The following ATL2 variants were observed in gnomAD, a reference collection of about 807,000 sequenced individuals.
ATL2 encodes atlastin GTPase 2.
ATL2 carries 31 observed loss-of-function variants against 73.9 expected under a neutral mutation model. That is an observed-to-expected ratio of 0.42 (90% CI 0.32 to 0.57). The LOEUF (loss-of-function observed/expected upper bound fraction) is 0.57, where lower values mean the gene tolerates loss of function less well. Among genes scored for constraint, ATL2 ranks in the 20% least tolerant of loss-of-function variants. The pLI is 0.14. For missense variants in ATL2, 738 were observed against 702.6 expected (o/e 1.05, Z -0.57); for synonymous variants, 291 against 237.5 (o/e 1.23, Z -2.07).
At chr2:38,309,621 G>T in intron 8 of ATL2, 115 bp from the exon 9 acceptor site, 1 of 1,041,504 alleles carries the variant, frequency 9.6e-7, no homozygotes, top group Non-Finnish European at 1.4e-6. Context: ...TATTACTGAA[G>T]TGGATTCATT....
chr2:38,376,164 C>G, intron 1 of ATL2: 11 of 1,530,306 alleles, frequency 7.2e-6, no homozygotes, highest in Non-Finnish European at 9.7e-6. Context: ...AACTTTATGC[C>G]TTTCTTAAGT....
At chr2:38,339,043 C>T (rs558583312) in intron 2 of ATL2, among the ~76,000 whole-genome samples, 1 of 152,144 alleles carries the variant, frequency 6.6e-6, no homozygotes, top group Admixed American at 6.5e-5. Context: ...TGGTGAAACC[C>T]CATCTCTATT....
chr2:38,348,856 G>A (rs1670176177), intron 1 of ATL2, among the ~76,000 whole-genome samples: 1 of 152,002 alleles, frequency 6.6e-6, no homozygotes, highest in African/African-American at 2.4e-5. Context: ...TCAAAAAGTG[G>A]GCAAAGGATA....
intron 1 of ATL2, among the ~76,000 whole-genome samples, chr2:38,354,608 G>A (rs755856724): frequency 3.3e-5 from 5 of 152,080 alleles, no homozygotes; most frequent in Admixed American, 1.3e-4. Flanking sequence ...GCCAATAAGG[G>A]GCCAGGTGTG....
chr2:38,317,788 G>A (rs1463098452), intron 4 of ATL2, among the ~76,000 whole-genome samples: 6 of 130,578 alleles, frequency 4.6e-5, no homozygotes, highest in African/African-American at 1.7e-4. Context: ...GATAACATGT[G>A]ATATCTTTTC....
In ATL2 at chr2:38,318,892, C is replaced by T. The variant is rs1668173228; in HGVS notation, c.491G>A (p.Gly164Glu). ...NEVFVIDRPNGTKVAVLLMDT... is the reference protein window; with the variant it reads ...NEVFVIDRPNETKVAVLLMDT... ...GTATAAACAGAATTTTACTTTAGTT[C>T]CATTAGGTCTGTCAATCACAAATAC... Residue 164 changes from glycine (G) to glutamate (E), a missense_variant, in exon 3 of 13, where the codon GGA (glycine) becomes GAA (glutamate). Transcript: ENST00000378954. 6.2e-7 allele frequency: 1 copy of T among 1,611,724 alleles called. No individual in the cohort carries two copies. Among genetic ancestry groups the T allele is most frequent in the Non-Finnish European group, 8.5e-7 (1 of 1,179,444 alleles).
intron 1 of ATL2, 103 bp downstream of exon 1, chr2:38,377,040 C>T: frequency 9.3e-7 from 1 of 1,074,188 alleles, no homozygotes; most frequent in Non-Finnish European, 1.3e-6. Flanking sequence ...CCTGAACCAG[C>T]CGCGGACTCC....
chr2:38,373,371 G>C (rs756626929), intron 1 of ATL2, among the ~76,000 whole-genome samples: 7 of 152,154 alleles, frequency 4.6e-5, no homozygotes, highest in Non-Finnish European at 7.4e-5. Context: ...GTGGTTGTTT[G>C]GGGACCAATC....
chr2:38,370,159 AAAAAAAAAAAAAG>A (rs1474059052), intron 1 of ATL2, among the ~76,000 whole-genome samples: 1 of 148,138 alleles, frequency 6.8e-6, no homozygotes, highest in African/African-American at 2.5e-5. Context: ...TCAAAAAAAA[AAAAAAAAAAAAAG>A]AAAGAAAATC....
At chr2:38,342,779 A>G (rs995430618) in intron 2 of ATL2, among the ~76,000 whole-genome samples, 1 of 152,202 alleles carries the variant, frequency 6.6e-6, no homozygotes, top group African/African-American at 2.4e-5. Flanking sequence ...TAGAGCCACA[A>G]TGCCTGGAAC....
chr2:38,360,963 T>C (rs931345424), intron 1 of ATL2, among the ~76,000 whole-genome samples: 5 of 151,564 alleles, frequency 3.3e-5, no homozygotes, highest in Admixed American at 3.3e-4. Context: ...TAAATACCCA[T>C]GGATAAATAA....
At chr2:38,320,342 C>A (rs1668252312) in intron 2 of ATL2, among the ~76,000 whole-genome samples, 1 of 152,024 alleles carries the variant, frequency 6.6e-6, no homozygotes, top group African/African-American at 2.4e-5. Flanking sequence ...CAAGTATCTG[C>A]AGTGAAAGGA....
intron 1 of ATL2, among the ~76,000 whole-genome samples, chr2:38,372,268 G>C (rs764074131): frequency 1.3e-5 from 2 of 151,852 alleles, no homozygotes; most frequent in Non-Finnish European, 2.9e-5. Context: ...AACCAACCAG[G>C]AATAGAAAAA....
chr2:38,343,647 T>C, intron 1 of ATL2, 135 bp from the exon 2 acceptor site: 1 of 787,758 alleles, frequency 1.3e-6, no homozygotes, highest in Non-Finnish European at 2.0e-6. Flanking sequence ...AATGTTCCTT[T>C]GGATTTCTCA....
At chr2:38,355,813 C>A (rs899572136) in intron 1 of ATL2, among the ~76,000 whole-genome samples, 1 of 151,526 alleles carries the variant, frequency 6.6e-6, no homozygotes, top group South Asian at 2.1e-4. Context: ...AATTCTCCTG[C>A]CTCAGCCTCC....
chr2:38,298,408 A>G lies in ATL2; in HGVS notation c.1368T>C (p.Tyr456=), dbSNP rs1473739098. 5.0e-6 allele frequency: 8 copies of G among 1,614,080 alleles called. No individual in the cohort carries two copies. Among genetic ancestry groups the G allele is most frequent in the Non-Finnish European group, 6.8e-6 (8 of 1,180,028 alleles). Residue 456 remains tyrosine, a synonymous_variant, in exon 12 of 13, where the codon TAT becomes TAC. Transcript: ENST00000378954. The part of the protein sequence containing the change: ...DQLEAEIEET[Y]ANFIKHNDGK... ...CATCATTGTGCTTTATAAAATTTGC[A>G]TAGGTTTCTTCAATTTCAGCTTCAA...
intron 2 of ATL2, among the ~76,000 whole-genome samples, chr2:38,327,229 G>C (rs1016120818): frequency 1.3e-5 from 2 of 152,062 alleles, no homozygotes; most frequent in African/African-American, 4.8e-5. Flanking sequence ...AAGAGTATCA[G>C]AGAAGGATAA....
intron 12 of ATL2, chr2:38,296,556 C>T (rs757629372): frequency 1.9e-6 from 3 of 1,613,998 alleles, no homozygotes; most frequent in Non-Finnish European, 2.5e-6. Context: ...GTGAACCATT[C>T]GACGTCTAGT....
chr2:38,347,325 T>G (rs898038661), intron 1 of ATL2, among the ~76,000 whole-genome samples: 1 of 152,206 alleles, frequency 6.6e-6, no homozygotes, highest in African/African-American at 2.4e-5. Context: ...TGTTCCCTGA[T>G]GAAGCTAACC....
Sources: gnomAD v4.1 joint callset for allele counts (sites outside exome capture counted in the v4.1 genomes callset) on GRCh38, gnomAD v4.1.1 for gene constraint, MANE v1.5 for transcripts, NCBI Gene and HGNC (gene_info 2026-07-23, HGNC 2026-07-21) for gene names.